The following CSNK2A2 variants were observed in gnomAD, a reference collection of about 807,000 sequenced individuals.
CSNK2A2 encodes the protein casein kinase II subunit alpha'.
Under a neutral mutation model 54.0 loss-of-function variants are expected in CSNK2A2, and 8 were observed. The ratio of observed to expected loss-of-function variants is 0.15; its 90% CI spans 0.09 to 0.27. The LOEUF (loss-of-function observed/expected upper bound fraction) is 0.27, where lower values mean the gene tolerates loss of function less well. CSNK2A2 is among the 10% of genes least tolerant of loss of function. CSNK2A2 has a pLI of 1.00. For missense variants in CSNK2A2, 242 were observed against 439.4 expected (o/e 0.55, Z 4.02); for synonymous variants, 141 against 153.9 (o/e 0.92, Z 0.62).
chr16:58,192,828 C>T (rs1274843256), intron 2 of CSNK2A2: 1 of 152,208 alleles, frequency 6.6e-6, no homozygotes, highest in Non-Finnish European at 1.5e-5. Context: ...AGTGCTTCCA[C>T]CCCCTGACTA....
rs55808367 is a variant in CSNK2A2 at position 58,163,253 on chromosome 16, C to CAAA, written c.*17+798_*17+800dup. Reference sequence around the variant, plus strand: ...GGTGAAGTTCTCCTTACAAGGCTGCCAAAAAAAAAAAAAAAAAAAAAAAAG... The same window carrying CAAA: ...GGTGAAGTTCTCCTTACAAGGCTGCCAAAAAAAAAAAAAAAAAAAAAAAAAAAG... On this transcript the variant is annotated intron_variant, in intron 11 of 11. Transcript: ENST00000262506. 23 of 66,590 alleles carry CAAA rather than the reference C, an allele frequency of 3.5e-4. No homozygotes were observed. The East Asian group carries it at 3.9e-3, about 11-fold the overall frequency. The allele number at this position is 66,590 out of a possible 1,614,324, so 4.1% of individuals were successfully genotyped here. A position where few individuals can be genotyped will look rare whatever the true frequency, so the allele number is the denominator to read the frequency against.
chr16:58,197,572 A>AG lies in CSNK2A2; in HGVS notation c.104+60dup. 8.3e-7 allele frequency: 1 copy of AG among 1,207,710 alleles called. No individual in the cohort carries two copies. Among genetic ancestry groups the AG allele is most frequent in the Non-Finnish European group, 1.1e-6 (1 of 873,720 alleles). The allele number at this position is 1,207,710 out of a possible 1,614,324, so 74.8% of individuals were successfully genotyped here. On this transcript the variant is annotated intron_variant, in intron 1 of 11. Coordinates refer to ENST00000262506, the MANE Select transcript of CSNK2A2 (RefSeq NM_001896.4). This position sits in a 1 kb window ranked among gnomAD's most constrained non-coding sequence, Gnocchi z 4.0. ...ACCACCGGGCCCGAGTGCGGTTCGC[A>AG]GGGGGTGGCCGGGCGGGGGCAGGGA... is the stretch of plus-strand genomic sequence containing the variant.
At position 58,187,597 on chromosome 16, in the gene CSNK2A2, TGAA is replaced by T. The variant is rs147893524; in HGVS notation, c.217-744_217-742del. 3.3e-3 allele frequency among the ~76,000 whole-genome samples: 501 copies of T among 152,336 alleles called. 5 individuals carry two copies. Among genetic ancestry groups the T allele is most frequent in the East Asian group, 0.033 (170 of 5,188 alleles). On this transcript the variant is annotated intron_variant, in intron 2 of 11. Transcript: ENST00000262506. ...CTTGTCTTAAATGAGTTAAAGAGTT[TGAA>T]GAAGAATAGAAACAGTTCTGAAAAA...
At chr16:58,190,639 G>C (rs1236748704) in intron 2 of CSNK2A2, among the ~76,000 whole-genome samples, 1 of 152,092 alleles carries the variant, frequency 6.6e-6, no homozygotes, top group Non-Finnish European at 1.5e-5. Context: ...ACTCTCAGGA[G>C]TTAAAAAAAA....
At chr16:58,165,450 T>A (rs1961537249) in intron 10 of CSNK2A2, 110 bp downstream of exon 10, 1 of 1,197,608 alleles carries the variant, frequency 8.3e-7, no homozygotes, top group Non-Finnish European at 1.1e-6. Flanking sequence ...ATTCTAGGAA[T>A]AATCCAATCC....
intron 2 of CSNK2A2, among the ~76,000 whole-genome samples, chr16:58,194,619 A>G (rs942614239): frequency 1.3e-5 from 2 of 152,234 alleles, no homozygotes; most frequent in African/African-American, 4.8e-5. Flanking sequence ...TCTGTGCTCA[A>G]CGTTCAGATC....
At chr16:58,186,688 G>A in intron 3 of CSNK2A2, 67 bp downstream of exon 3, 1 of 1,091,154 alleles carries the variant, frequency 9.2e-7, no homozygotes, top group East Asian at 2.4e-5. Flanking sequence ...GAGGTTCTGT[G>A]TGTTAAACAA....
intron 11 of CSNK2A2, chr16:58,162,934 T>C (rs1961427494): frequency 1.3e-5 from 2 of 152,200 alleles, no homozygotes; most frequent in South Asian, 4.1e-4. Context: ...CTCTAGTACC[T>C]GCATGCAAGA....
intron 1 of CSNK2A2, 80 bp from the exon 2 acceptor site, chr16:58,196,924 G>T (rs1400455984): frequency 3.5e-6 from 3 of 865,584 alleles, no homozygotes; most frequent in Non-Finnish European, 6.0e-6. Context: ...TCATTCAGCC[G>T]CTTCCACCAG....
intron 4 of CSNK2A2, among the ~76,000 whole-genome samples, chr16:58,183,653 C>T (rs530127183): frequency 1.4e-4 from 22 of 151,986 alleles, no homozygotes; most frequent in African/African-American, 3.1e-4. Flanking sequence ...CCCCAAAAAC[C>T]TTGATATTAA....
chr16:58,194,870 G>A (rs1315089026), intron 2 of CSNK2A2, among the ~76,000 whole-genome samples: 1 of 151,894 alleles, frequency 6.6e-6, no homozygotes, highest in African/African-American at 2.4e-5. Context: ...GCAATGCGAT[G>A]CTCTCCTAAA....
intron 7 of CSNK2A2, 65 bp from the exon 8 acceptor site, chr16:58,167,373 C>A: frequency 1.5e-6 from 2 of 1,297,380 alleles, no homozygotes; most frequent in Non-Finnish European, 1.1e-6. Flanking sequence ...ATATAAATTT[C>A]TTTTTTAGAC....
intron 4 of CSNK2A2, 114 bp downstream of exon 4, chr16:58,184,146 T>C: frequency 1.3e-6 from 1 of 750,124 alleles, no homozygotes; most frequent in Non-Finnish European, 2.1e-6. Context: ...CAATTTGTTA[T>C]TTCCTCCTCT....
At chr16:58,162,165 T>G (rs1160738549) in intron 11 of CSNK2A2, 3 of 152,080 alleles carry the variant, frequency 2.0e-5, no homozygotes, top group Non-Finnish European at 4.4e-5. Flanking sequence ...CAGTGGCACA[T>G]CTCCCTGATG....
chr16:58,184,642 A>G (rs1962144808), intron 3 of CSNK2A2, among the ~76,000 whole-genome samples: 1 of 152,202 alleles, frequency 6.6e-6, no homozygotes, highest in Non-Finnish European at 1.5e-5. Context: ...TTCATAATAA[A>G]AAGTTTTAAG....
intron 4 of CSNK2A2, among the ~76,000 whole-genome samples, chr16:58,177,276 A>T (rs1024508840): frequency 2.6e-5 from 4 of 152,226 alleles, no homozygotes; most frequent in Admixed American, 6.5e-5. Context: ...GAGAAACGTC[A>T]CAAGAACTAC....
intron 1 of CSNK2A2, 154 bp from the exon 2 acceptor site, chr16:58,196,998 T>A: frequency 1.5e-6 from 1 of 655,174 alleles, no homozygotes; most frequent in Non-Finnish European, 2.8e-6. Flanking sequence ...AGCCACGACA[T>A]AATCTTGGCT....
intron 8 of CSNK2A2, among the ~76,000 whole-genome samples, 193 bp downstream of exon 8, chr16:58,167,014 T>C (rs1053288980): frequency 1.3e-5 from 2 of 152,246 alleles, no homozygotes; most frequent in Admixed American, 6.5e-5. Context: ...AAGTTTGGCA[T>C]AGATGGCATT....
At chr16:58,164,542 CT>C (rs1038939411) in intron 10 of CSNK2A2, among the ~76,000 whole-genome samples, 6 of 152,116 alleles carry the variant, frequency 3.9e-5, no homozygotes, top group Admixed American at 3.9e-4. Context: ...ATCAGAAGAC[CT>C]ATCCATTTTA....
Sources: gnomAD v4.1 joint callset for allele counts (sites outside exome capture counted in the v4.1 genomes callset) on GRCh38, gnomAD v4.1.1 for gene constraint, Gnocchi (gnomAD v3.1) non-coding constraint, MANE v1.5 for transcripts, NCBI Gene and HGNC (gene_info 2026-07-23, HGNC 2026-07-21) for gene names.